EEF1AKMT1: variants seen among roughly 807,000 people sequenced by gnomAD.
The protein encoded by EEF1AKMT1 is N-6 adenine-specific DNA methyltransferase 2 (putative).
In EEF1AKMT1, 18 loss-of-function variants were observed where a neutral mutation model predicts 21.0. The observed-to-expected ratio is 0.86, with a 90% CI of 0.59 to 1.27. The LOEUF is 1.27. Among genes scored for constraint, EEF1AKMT1 ranks in the 50% most tolerant of loss-of-function variants. The pLI, the probability that EEF1AKMT1 is intolerant of heterozygous loss-of-function variation, is 0.00. For synonymous variants in EEF1AKMT1, 109 were observed against 94.8 expected (o/e 1.15, Z -0.87); for missense variants, 246 against 258.6 (o/e 0.95, Z 0.33).
At chr13:20,761,397 A>G (rs2059000978) in intron 1 of EEF1AKMT1, among the ~76,000 whole-genome samples, 1 of 152,222 alleles carries the variant, frequency 6.6e-6, no homozygotes, top group South Asian at 2.1e-4. Flanking sequence ...TGTTCTGTGT[A>G]TCAATAGTTT....
At chr13:20,741,782 T>C (rs983551295) in intron 2 of EEF1AKMT1, among the ~76,000 whole-genome samples, 1 of 152,168 alleles carries the variant, frequency 6.6e-6, no homozygotes, top group African/African-American at 2.4e-5. Context: ...ACATCTTTAC[T>C]CTTCATTCAA....
intron 2 of EEF1AKMT1, among the ~76,000 whole-genome samples, chr13:20,738,826 TGAG>T (rs544320861): frequency 2.2e-4 from 33 of 152,250 alleles, no homozygotes; most frequent in Non-Finnish European, 4.1e-4. Flanking sequence ...TTGGGAGGAT[TGAG>T]GGATTAGGAG....
At chr13:20,738,800 T>G (rs2058844760) in intron 2 of EEF1AKMT1, among the ~76,000 whole-genome samples, 1 of 152,182 alleles carries the variant, frequency 6.6e-6, no homozygotes, top group Admixed American at 6.5e-5. Flanking sequence ...GACAGTAGAT[T>G]AGTGGTTGCC....
chr13:20,772,188 T>C (rs1432919495), intron 1 of EEF1AKMT1, among the ~76,000 whole-genome samples: 1 of 152,180 alleles, frequency 6.6e-6, no homozygotes, highest in African/African-American at 2.4e-5. Flanking sequence ...CTGGCTACTC[T>C]GGGCACACTG....
At chr13:20,773,700 G>C (rs2059075013) in intron 1 of EEF1AKMT1, among the ~76,000 whole-genome samples, 1 of 152,206 alleles carries the variant, frequency 6.6e-6, no homozygotes. Context: ...CGACCGGGAC[G>C]CGAGGCCCAA....
intron 2 of EEF1AKMT1, among the ~76,000 whole-genome samples, chr13:20,744,331 G>A (rs1595018824): frequency 6.6e-6 from 1 of 152,294 alleles, no homozygotes; most frequent in East Asian, 1.9e-4. Context: ...TTTCTCCACA[G>A]CTGTGCCAGC....
chr13:20,745,246 G>C lies in EEF1AKMT1; in HGVS notation c.145-7441C>G, dbSNP rs555696623. ...AGTCAATGGTAGCTTGATGGGAATA[G>C]CATAGAATCTATAAATTACTTTGGG... is the stretch of plus-strand genomic sequence containing the variant. On this transcript the variant is annotated intron_variant, in intron 2 of 4. Coordinates refer to ENST00000382758, the MANE Select transcript of EEF1AKMT1 (RefSeq NM_001318939.2). Among the ~76,000 whole-genome samples the C allele has an allele frequency of 2.2e-4, 34 of 152,290 alleles. 1 individual carries two copies. In the South Asian group the frequency reaches 7.1e-3, roughly 32 times the overall value.
In EEF1AKMT1 at chr13:20,731,997, A is replaced by G. The variant is rs1285430121; in HGVS notation, c.352T>C (p.Tyr118His). The G allele has an allele frequency of 2.5e-6, 4 of 1,614,126 alleles. No individual in the cohort carries two copies. Among genetic ancestry groups the G allele is most frequent in the African/African-American group, 2.7e-5 (2 of 74,940 alleles). ...AAGTCCAATGGATTATTGTAATCAT[A>G]GAAAATAAACTCCTCTCCATACATG... The part of the protein sequence containing the change: ...FAMYGEEFIF[Y>H]DYNNPLDLPE... Residue 118 changes from tyrosine to histidine, a missense_variant, in exon 4 of 5, where the codon TAT (tyrosine) becomes CAT (histidine). Transcript: ENST00000382758.
intron 1 of EEF1AKMT1, among the ~76,000 whole-genome samples, chr13:20,766,263 C>T (rs1343901732): frequency 7.7e-6 from 1 of 129,268 alleles, no homozygotes; most frequent in Non-Finnish European, 1.5e-5. Context: ...CACAACACTG[C>T]ACTCCAGCCT....
At chr13:20,756,387 C>T (rs952248225) in intron 2 of EEF1AKMT1, among the ~76,000 whole-genome samples, 2 of 152,156 alleles carry the variant, frequency 1.3e-5, no homozygotes, top group African/African-American at 4.8e-5. Context: ...ACATTATACA[C>T]CAGAAACTAT....
chr13:20,738,905 GATAGT>G (rs144890993), intron 2 of EEF1AKMT1, among the ~76,000 whole-genome samples: 10,534 of 152,226 alleles, frequency 0.069, 1,084 homozygotes, highest in African/African-American at 0.22. Flanking sequence ...TGACTGTGGT[GATAGT>G]TGTGTGTCCG....
chr13:20,735,590 C>T (rs1234057854), intron 3 of EEF1AKMT1, among the ~76,000 whole-genome samples: 2 of 152,076 alleles, frequency 1.3e-5, no homozygotes, highest in East Asian at 1.9e-4. Context: ...GTCTTAGACA[C>T]GGGGGTTCCC....
At chr13:20,730,153 T>A (rs1595008768) in intron 4 of EEF1AKMT1, among the ~76,000 whole-genome samples, 1 of 152,336 alleles carries the variant, frequency 6.6e-6, no homozygotes, top group South Asian at 2.1e-4. Context: ...TTTATTATTA[T>A]TTTTTAAAAG....
intron 2 of EEF1AKMT1, among the ~76,000 whole-genome samples, chr13:20,751,734 G>T (rs567747461): frequency 1.3e-5 from 2 of 151,902 alleles, no homozygotes; most frequent in East Asian, 3.9e-4. Context: ...TATATACATT[G>T]CTTTGGGTAT....
In EEF1AKMT1 at chr13:20,731,676, G is replaced by A. The variant is rs1423748672; in HGVS notation, c.508+165C>T. On this transcript the variant is annotated intron_variant, in intron 4 of 4. Transcript: ENST00000382758. ...ATTCTTTAGGACCCTTAATGGCAGA[G>A]TATTATCAGTCCTAGTTTACAGATA... 2.6e-5 allele frequency among the ~76,000 whole-genome samples: 4 copies of A among 152,158 alleles called. No individual in the cohort carries two copies. The East Asian group carries it at 7.7e-4, about 29-fold the overall frequency.
chr13:20,767,500 G>C (rs1184276016), intron 1 of EEF1AKMT1, among the ~76,000 whole-genome samples: 1 of 151,978 alleles, frequency 6.6e-6, no homozygotes, highest in Non-Finnish European at 1.5e-5. Flanking sequence ...GTATTTTAAA[G>C]ATAGTCCTCC....
At chr13:20,772,172 T>C (rs899369886) in intron 1 of EEF1AKMT1, among the ~76,000 whole-genome samples, 2 of 152,132 alleles carry the variant, frequency 1.3e-5, no homozygotes, top group African/African-American at 4.8e-5. Flanking sequence ...TATTTTTAAA[T>C]TTTTTCTGGC....
At chr13:20,739,197 C>A (rs182698489) in intron 2 of EEF1AKMT1, among the ~76,000 whole-genome samples, 2 of 152,098 alleles carry the variant, frequency 1.3e-5, no homozygotes, top group Non-Finnish European at 2.9e-5. Context: ...GGGTTGGTAA[C>A]TTCGCTGGTT....
At position 20,728,737 on chromosome 13, in the gene EEF1AKMT1, C is replaced by T. The variant is rs2058772136; in HGVS notation, c.*343G>A. Reference sequence around the variant, plus strand: ...CTAGGATGCTACCAGACTGCTCTGGCCCGAGGCAGAGGCCAAGGTCCTGTC... The same window carrying T: ...CTAGGATGCTACCAGACTGCTCTGGTCCGAGGCAGAGGCCAAGGTCCTGTC... On this transcript the variant is annotated 3_prime_UTR_variant, in exon 5 of 5. Transcript: ENST00000382758. The T allele has an allele frequency of 1.1e-5, 3 of 285,676 alleles. No homozygotes were observed. Among genetic ancestry groups the T allele is most frequent in the Admixed American group, 9.5e-5 (2 of 21,102 alleles). The allele number at this position is 285,676 out of a possible 1,614,324, so 17.7% of individuals were successfully genotyped here.
Sources: allele counts gnomAD v4.1 joint callset (sites outside exome capture counted in the v4.1 genomes callset), GRCh38; gene constraint gnomAD v4.1.1; transcripts MANE v1.5; gene names NCBI Gene and HGNC (gene_info 2026-07-23, HGNC 2026-07-21).